Variants in TSHR observed in about 807,000 individuals in gnomAD.
The protein encoded by TSHR is thyrotropin receptor.
A neutral mutation model predicts 64.1 loss-of-function variants in TSHR; 51 were observed. The ratio of observed to expected loss-of-function variants is 0.80; its 90% CI spans 0.64 to 1.01. TSHR has a LOEUF of 1.01. TSHR is among the 50% of genes least tolerant of loss of function. TSHR has a pLI of 0.00. For missense variants in TSHR, 877 were observed against 942.8 expected (o/e 0.93, Z 0.91); for synonymous variants, 361 against 361.9 (o/e 1.00, Z 0.03).
In TSHR at chr14:81,027,801, T is replaced by G. The variant is rs1454406005; in HGVS notation, c.171-34347T>G. 6.6e-5 allele frequency among the ~76,000 whole-genome samples: 10 copies of G among 152,290 alleles called. No homozygotes were observed. The East Asian group carries it at 1.9e-3, about 29-fold the overall frequency. On this transcript the variant is annotated intron_variant, in intron 1 of 9. Transcript: ENST00000298171. ...AAAATGACTTCAGGAAATTAGGGTG[T>G]GCAGAACAGAATAGAAATGTAATAA... is the stretch of plus-strand genomic sequence containing the variant.
At chr14:81,132,586 A>T (rs958428777) in intron 8 of TSHR, among the ~76,000 whole-genome samples, 2 of 152,162 alleles carry the variant, frequency 1.3e-5, no homozygotes, top group African/African-American at 2.4e-5. Context: ...TTAACTCGAG[A>T]TTATTCCCAC....
intron 1 of TSHR, among the ~76,000 whole-genome samples, chr14:80,981,070 T>A (rs997266392): frequency 1.3e-5 from 2 of 152,228 alleles, no homozygotes; most frequent in African/African-American, 4.8e-5. Flanking sequence ...AACTGTGAGA[T>A]CTTAATGGCT....
At chr14:81,124,957 C>A (rs1430087553) in intron 8 of TSHR, among the ~76,000 whole-genome samples, 1 of 152,108 alleles carries the variant, frequency 6.6e-6, no homozygotes, top group Non-Finnish European at 1.5e-5. Flanking sequence ...CAGCTCTCTG[C>A]CAACCCTAGT....
intron 7 of TSHR, chr14:81,104,172 A>G (rs1261088056): frequency 1.0e-6 from 1 of 985,340 alleles, no homozygotes; most frequent in Non-Finnish European, 1.2e-6. Flanking sequence ...TACTATTTAC[A>G]AACAGCTGTC....
intron 2 of TSHR, 32 bp downstream of exon 2, chr14:81,062,251 A>G: frequency 6.6e-7 from 1 of 1,518,980 alleles, no homozygotes; most frequent in African/African-American, 1.4e-5. Context: ...AAAAGTTTGC[A>G]TTTGTGATAT....
chr14:81,013,721 A>G (rs1485775393), intron 1 of TSHR: 2 of 152,218 alleles, frequency 1.3e-5, no homozygotes, highest in African/African-American at 2.4e-5. Context: ...TAGTGCTTAT[A>G]TTCCATCCTC....
rs1888258908 is a variant in TSHR at position 80,983,196 on chromosome 14, A to C, written c.170+27346A>C. The stretch of plus-strand genomic sequence containing the variant: ...TTCTGGGGATGAAAGACAATGCAAA[A>C]TTGAATTACATGTTAAGCATATGTG... On this transcript the variant is annotated intron_variant, in intron 1 of 9. Transcript: ENST00000298171. 10 of 1,195,404 alleles carry C rather than the reference A, an allele frequency of 8.4e-6. No homozygotes were observed. The South Asian group carries it at 1.9e-4, about 22-fold the overall frequency. 74.0% of individuals were successfully genotyped at this position (1,195,404 alleles called of 1,614,324 possible). A position where few individuals can be genotyped will look rare whatever the true frequency, so the allele number is the denominator to read the frequency against.
intron 1 of TSHR, among the ~76,000 whole-genome samples, chr14:81,029,786 A>G (rs991779778): frequency 8.5e-5 from 13 of 152,158 alleles, no homozygotes; most frequent in Admixed American, 5.9e-4. Context: ...AAATATACCC[A>G]TGGATTCTGT....
chr14:81,020,389 C>G (rs763207106), intron 1 of TSHR, among the ~76,000 whole-genome samples: 2 of 152,202 alleles, frequency 1.3e-5, no homozygotes, highest in Non-Finnish European at 2.9e-5. Context: ...CTGTATTTTA[C>G]AGCTGCTCCC....
intron 1 of TSHR, among the ~76,000 whole-genome samples, chr14:81,020,479 A>G (rs764284213): frequency 6.6e-5 from 10 of 152,190 alleles, no homozygotes; most frequent in Non-Finnish European, 1.5e-4. Flanking sequence ...AGTGAACCCT[A>G]TTGTGAACTG....
At chr14:81,028,391 G>A (rs766093127) in intron 1 of TSHR, among the ~76,000 whole-genome samples, 8 of 152,034 alleles carry the variant, frequency 5.3e-5, no homozygotes, top group Non-Finnish European at 8.8e-5. Flanking sequence ...TCCTAGGAAC[G>A]TGATTCAAGG....
chr14:80,969,377 A>G (rs1339698942), intron 1 of TSHR, among the ~76,000 whole-genome samples: 1 of 152,210 alleles, frequency 6.6e-6, no homozygotes, highest in East Asian at 1.9e-4. Flanking sequence ...ATAAACCCTT[A>G]AATGGTGGTG....
intron 8 of TSHR, among the ~76,000 whole-genome samples, chr14:81,127,601 G>C (rs1219939441): frequency 6.6e-6 from 1 of 152,100 alleles, no homozygotes; most frequent in Non-Finnish European, 1.5e-5. Flanking sequence ...TTGTGGGAGG[G>C]ACCCAGTGGG....
chr14:81,142,854 C>T (rs1450824928), intron 9 of TSHR, 86 bp from the exon 10 acceptor site: 2 of 1,206,514 alleles, frequency 1.7e-6, no homozygotes, highest in Admixed American at 1.7e-5. Context: ...AAGCAATCCA[C>T]CTGCCTTGGC....
At chr14:81,044,451 G>A (rs1885070385) in intron 1 of TSHR, among the ~76,000 whole-genome samples, 1 of 152,162 alleles carries the variant, frequency 6.6e-6, no homozygotes, top group Admixed American at 6.5e-5. Context: ...GAGGTCAGGA[G>A]ATTGAGACTA....
At chr14:81,084,547 G>A (rs975968745) in intron 3 of TSHR, among the ~76,000 whole-genome samples, 2 of 152,204 alleles carry the variant, frequency 1.3e-5, no homozygotes, top group Non-Finnish European at 2.9e-5. Context: ...CTTAGTGAGT[G>A]AGGTTTACTG....
intron 1 of TSHR, among the ~76,000 whole-genome samples, chr14:81,037,297 G>GA (rs1488850844): frequency 2.1e-5 from 3 of 141,210 alleles, no homozygotes; most frequent in South Asian, 2.2e-4. Flanking sequence ...TAACCACAAA[G>GA]AAAAAAATTA....
At chr14:81,083,465 A>AT (rs914569173) in intron 3 of TSHR, among the ~76,000 whole-genome samples, 1 of 133,938 alleles carries the variant, frequency 7.5e-6, no homozygotes, top group African/African-American at 3.7e-5. Context: ...TTGAAACCTC[A>AT]TTTAAAAAAA....
At chr14:81,031,467 A>G (rs1299292216) in intron 1 of TSHR, among the ~76,000 whole-genome samples, 1 of 152,222 alleles carries the variant, frequency 6.6e-6, no homozygotes, top group Non-Finnish European at 1.5e-5. Flanking sequence ...AGAAAAAAAC[A>G]TGAGGCTTTA....
Sources: gnomAD v4.1 joint callset for allele counts (sites outside exome capture counted in the v4.1 genomes callset) on GRCh38, gnomAD v4.1.1 for gene constraint, MANE v1.5 for transcripts, NCBI Gene and HGNC (gene_info 2026-07-23, HGNC 2026-07-21) for gene names.